ETV6: variants seen among roughly 807,000 people sequenced by gnomAD.
The protein encoded by ETV6 is transcription factor ETV6.
Under a neutral mutation model 51.1 loss-of-function variants are expected in ETV6, and 16 were observed. The ratio of observed to expected loss-of-function variants is 0.31; its 90% CI spans 0.21 to 0.48. The LOEUF is 0.48. Among genes scored for constraint, ETV6 ranks in the 20% least tolerant of loss-of-function variants. The pLI is 0.99. For missense variants in ETV6, 458 were observed against 594.8 expected (o/e 0.77, Z 2.39); for synonymous variants, 240 against 224.1 (o/e 1.07, Z -0.64).
At position 11,666,980 on chromosome 12, in the gene ETV6, G is replaced by T. The variant is rs191011413; in HGVS notation, c.33+16820G>T. Among the ~76,000 whole-genome samples, 636 of 152,332 alleles carry T rather than the reference G, an allele frequency of 4.2e-3. 4 individuals carry two copies. Among genetic ancestry groups the T allele is most frequent in the African/African-American group, 0.015 (613 of 41,580 alleles). On this transcript the variant is annotated intron_variant, in intron 1 of 7. Transcript: ENST00000396373. ...GGCTCCTCGAGGGCTTGTGCAGTAG[G>T]TTGAGAGTTGTTACGGGTGCTGATC...
intron 5 of ETV6, among the ~76,000 whole-genome samples, chr12:11,875,221 AG>A (rs1946964326): frequency 1.3e-5 from 2 of 152,212 alleles, no homozygotes; most frequent in African/African-American, 4.8e-5. Context: ...TACTTTGCAA[AG>A]GATAAGGAGA....
At chr12:11,743,562 G>C (rs1311579762) in intron 1 of ETV6, among the ~76,000 whole-genome samples, 1 of 152,118 alleles carries the variant, frequency 6.6e-6, no homozygotes, top group Middle Eastern at 3.2e-3. Context: ...GTAGTATCAA[G>C]TACAGGGCAT....
Position 11,877,297 on chromosome 12 carries a change from A to G in ETV6, c.1010-7148A>G, listed in dbSNP as rs9943820. Among the ~76,000 whole-genome samples the G allele has an allele frequency of 7.3e-3, 1,097 of 149,352 alleles. 15 individuals are homozygous for G. Among genetic ancestry groups the G allele is most frequent in the African/African-American group, 0.026 (1,036 of 40,334 alleles). ...TGTGAATTTGTTTCAAAGGAAGCCT[A>G]TAGACTTTTTTTTTTTTTTTTAATT... On this transcript the variant is annotated intron_variant, in intron 5 of 7. Transcript: ENST00000396373.
At chr12:11,739,763 C>G (rs562012540) in intron 1 of ETV6, among the ~76,000 whole-genome samples, 1 of 152,286 alleles carries the variant, frequency 6.6e-6, no homozygotes, top group Admixed American at 6.5e-5. Context: ...ATGCATTTTA[C>G]CCATCTCTTG....
At position 11,671,567 on chromosome 12, in the gene ETV6, C is replaced by G. The variant is rs139863651; in HGVS notation, c.33+21407C>G. On this transcript the variant is annotated intron_variant, in intron 1 of 7. Transcript: ENST00000396373. ...TAACTTGATTTGATTATAAATGTAT[C>G]AAATCATTACATGTACCCTGAAAAT... Among the ~76,000 whole-genome samples, 59 of 152,168 alleles carry G rather than the reference C, an allele frequency of 3.9e-4. No homozygotes were observed. In the East Asian group the frequency reaches 0.011, roughly 29 times the overall value.
chr12:11,797,368 G>A (rs1035145796), intron 2 of ETV6, among the ~76,000 whole-genome samples: 3 of 152,190 alleles, frequency 2.0e-5, no homozygotes, highest in East Asian at 1.9e-4. Context: ...GCTGCCAGTC[G>A]TTGGTGAATG....
chr12:11,654,151 C>A (rs775220550), intron 1 of ETV6, among the ~76,000 whole-genome samples: 3 of 152,158 alleles, frequency 2.0e-5, no homozygotes, highest in Non-Finnish European at 2.9e-5. Flanking sequence ...TCAAAAACTG[C>A]TTTTGTGTCA....
intron 1 of ETV6, among the ~76,000 whole-genome samples, chr12:11,700,251 T>C (rs138457647): frequency 7.6e-4 from 115 of 152,300 alleles, no homozygotes; most frequent in African/African-American, 2.6e-3. Context: ...AAAATAAATT[T>C]GGGGGTACAA....
chr12:11,836,108 C>T (rs1946311479), intron 2 of ETV6, among the ~76,000 whole-genome samples: 2 of 152,182 alleles, frequency 1.3e-5, no homozygotes, highest in Non-Finnish European at 2.9e-5. Context: ...CCTCCAGGTG[C>T]AAGGCTCTAT....
chr12:11,761,813 T>C (rs3825082), intron 2 of ETV6, among the ~76,000 whole-genome samples: 6 of 152,156 alleles, frequency 3.9e-5, no homozygotes, highest in Non-Finnish European at 8.8e-5. Context: ...GAGTATATGA[T>C]TCCTAAGTTC....
At chr12:11,753,636 A>G (rs897466539) in intron 2 of ETV6, among the ~76,000 whole-genome samples, 7 of 152,228 alleles carry the variant, frequency 4.6e-5, no homozygotes, top group African/African-American at 1.7e-4. Flanking sequence ...CTGAATGCAG[A>G]GAACAGGAGA....
At chr12:11,707,514 A>G (rs1015393224) in intron 1 of ETV6, among the ~76,000 whole-genome samples, 1 of 152,168 alleles carries the variant, frequency 6.6e-6, no homozygotes, top group Non-Finnish European at 1.5e-5. Flanking sequence ...GAATTCTGTC[A>G]TCATGGGGCG....
intron 5 of ETV6, among the ~76,000 whole-genome samples, chr12:11,875,465 C>G (rs1946968559): frequency 1.3e-5 from 2 of 152,214 alleles, no homozygotes; most frequent in Non-Finnish European, 2.9e-5. Flanking sequence ...TCTTCTAAAA[C>G]TTTACCTACA....
At chr12:11,854,736 G>A (rs1483026649) in intron 4 of ETV6, among the ~76,000 whole-genome samples, 1 of 152,116 alleles carries the variant, frequency 6.6e-6, no homozygotes, top group African/African-American at 2.4e-5. Context: ...GAAATGGGAA[G>A]TCATTGGAGA....
intron 1 of ETV6, among the ~76,000 whole-genome samples, chr12:11,708,525 C>T (rs556941461): frequency 3.3e-5 from 5 of 152,306 alleles, no homozygotes; most frequent in East Asian, 3.9e-4. Context: ...ACATCACAGA[C>T]GGCCCAGACT....
chr12:11,746,131 A>T (rs947690893), intron 1 of ETV6, among the ~76,000 whole-genome samples: 8 of 152,220 alleles, frequency 5.3e-5, no homozygotes, highest in African/African-American at 1.9e-4. Flanking sequence ...CACCCTCAAG[A>T]ATCCTGCTGG....
At chr12:11,676,385 C>T (rs1243282121) in intron 1 of ETV6, among the ~76,000 whole-genome samples, 1 of 152,216 alleles carries the variant, frequency 6.6e-6, no homozygotes, top group African/African-American at 2.4e-5. Context: ...ATTTCTATTA[C>T]TCTCAGGTTA....
At chr12:11,663,123 C>T (rs1205404491) in intron 1 of ETV6, among the ~76,000 whole-genome samples, 1 of 152,248 alleles carries the variant, frequency 6.6e-6, no homozygotes, top group Non-Finnish European at 1.5e-5. Flanking sequence ...ATTTCAGGTT[C>T]AGTCTCTATC....
At chr12:11,746,790 CTTTTTTTTTTTTTT>C (rs56135545) in intron 1 of ETV6, among the ~76,000 whole-genome samples, 1 of 118,682 alleles carries the variant, frequency 8.4e-6, no homozygotes, top group African/African-American at 3.1e-5. Flanking sequence ...CTCTCTCTCT[CTTTTTTTTTTTTTT>C]TTTTTTTTTA....
Sources: gnomAD v4.1 joint callset for allele counts (sites outside exome capture counted in the v4.1 genomes callset) on GRCh38, gnomAD v4.1.1 for gene constraint, MANE v1.5 for transcripts, NCBI Gene and HGNC (gene_info 2026-07-23, HGNC 2026-07-21) for gene names.